PABPC4L: variants seen among roughly 807,000 people sequenced by gnomAD.
PABPC4L encodes poly(A) binding protein cytoplasmic 4 like.
For synonymous variants in PABPC4L, 169 were observed against 164.1 expected, an observed-to-expected ratio of 1.03 and a Z score of -0.23; for missense variants, 452 against 451.4, an observed-to-expected ratio of 1.00 and a Z score of -0.01.
downstream of PABPC4L, among the ~76,000 whole-genome samples, chr4:134,194,150 G>A (rs1729589163): frequency 6.6e-6 from 1 of 151,818 alleles, no homozygotes; most frequent in Non-Finnish European, 1.5e-5. Context: ...CCTGCCTTGG[G>A]GGTGGAGGAG....
At chr4:134,047,180 T>C in the PABPC4L span, among the ~76,000 whole-genome samples, 2 of 152,188 alleles carry the variant, frequency 1.3e-5, no homozygotes, top group Non-Finnish European at 2.9e-5. Flanking sequence ...AGTTAGCTTA[T>C]GCTTTAAATT....
chr4:133,954,411 C>A, the PABPC4L span, among the ~76,000 whole-genome samples: 1 of 152,222 alleles, frequency 6.6e-6, no homozygotes, highest in South Asian at 2.1e-4. Flanking sequence ...TAAAACTTGG[C>A]ACATTCTATC....
the PABPC4L span, among the ~76,000 whole-genome samples, chr4:134,151,656 A>G: frequency 6.6e-6 from 1 of 152,000 alleles, no homozygotes; most frequent in African/African-American, 2.4e-5. Flanking sequence ...TGTTTTGCCA[A>G]TTATTTATTT....
the PABPC4L span, among the ~76,000 whole-genome samples, chr4:134,136,382 T>G: frequency 6.6e-6 from 1 of 152,136 alleles, no homozygotes; most frequent in Non-Finnish European, 1.5e-5. Context: ...CTGACATTCC[T>G]TCTGTTAGTC....
At chr4:134,119,112 A>G in the PABPC4L span, among the ~76,000 whole-genome samples, 6 of 151,750 alleles carry the variant, frequency 4.0e-5, no homozygotes, top group Non-Finnish European at 7.4e-5. Flanking sequence ...GAAATTTGAT[A>G]TATCATGTTT....
At chr4:134,124,848 T>TGGGTAATAATGTCTTA in the PABPC4L span, among the ~76,000 whole-genome samples, 5 of 152,088 alleles carry the variant, frequency 3.3e-5, no homozygotes, top group African/African-American at 1.2e-4. Context: ...AGCAACACCA[T>TGGGTAATAATGTCTTA]GCCTCATGGG....
the PABPC4L span, among the ~76,000 whole-genome samples, chr4:134,079,870 A>T: frequency 6.6e-6 from 1 of 152,066 alleles, no homozygotes; most frequent in Non-Finnish European, 1.5e-5. Context: ...TATTTGTGTT[A>T]GCTATGACAG....
chr4:134,134,825 C>T, the PABPC4L span, among the ~76,000 whole-genome samples: 3 of 151,724 alleles, frequency 2.0e-5, no homozygotes, highest in South Asian at 2.1e-4. Context: ...TTTCTTGTGT[C>T]TTCAATTTCC....
the PABPC4L span, among the ~76,000 whole-genome samples, chr4:134,092,412 G>T: frequency 6.6e-6 from 1 of 151,874 alleles, no homozygotes; most frequent in East Asian, 1.9e-4. Flanking sequence ...CTATCCCACT[G>T]AGAGCCACCA....
At chr4:134,144,233 AAAAG>A in the PABPC4L span, among the ~76,000 whole-genome samples, 2 of 151,620 alleles carry the variant, frequency 1.3e-5, no homozygotes, top group Non-Finnish European at 3.0e-5. Context: ...ATACCTTTGC[AAAAG>A]AAAGAAAGAA....
chr4:134,092,521 G>A, the PABPC4L span, among the ~76,000 whole-genome samples: 1 of 151,836 alleles, frequency 6.6e-6, no homozygotes, highest in East Asian at 1.9e-4. Context: ...AAGAGGGTAG[G>A]GTATATATCA....
the PABPC4L span, among the ~76,000 whole-genome samples, chr4:134,024,827 G>A: frequency 1.2e-5 from 1 of 85,060 alleles, no homozygotes; most frequent in South Asian, 3.5e-4. Context: ...TTTTTTTTTT[G>A]GAGACAGAAT....
chr4:133,962,086 G>A, the PABPC4L span, among the ~76,000 whole-genome samples: 2 of 152,152 alleles, frequency 1.3e-5, no homozygotes, highest in African/African-American at 2.4e-5. Flanking sequence ...AAGGGAGAGA[G>A]TTCTACATCA....
the PABPC4L span, among the ~76,000 whole-genome samples, chr4:134,036,493 A>AAAAC: frequency 6.6e-6 from 1 of 152,100 alleles, no homozygotes; most frequent in Non-Finnish European, 1.5e-5. Context: ...TACTGTTGGG[A>AAAAC]AAACAACTTA....
At chr4:134,150,269 A>C in the PABPC4L span, among the ~76,000 whole-genome samples, 1 of 151,802 alleles carries the variant, frequency 6.6e-6, no homozygotes, top group Non-Finnish European at 1.5e-5. Context: ...TTTTTAGTAG[A>C]GACAGGGTTT....
chr4:134,078,967 C>CTTTTT, the PABPC4L span, among the ~76,000 whole-genome samples: 1 of 63,788 alleles, frequency 1.6e-5, no homozygotes, highest in Non-Finnish European at 2.9e-5. Context: ...CGTGCCCGGG[C>CTTTTT]TTTTTTTTTT....
the PABPC4L span, among the ~76,000 whole-genome samples, chr4:134,014,398 G>A: frequency 4.7e-4 from 72 of 152,070 alleles, no homozygotes; most frequent in Non-Finnish European, 8.5e-4. Context: ...CACCTAAACC[G>A]CAGTGGCCAG....
the PABPC4L span, among the ~76,000 whole-genome samples, chr4:134,052,678 T>C: frequency 6.6e-6 from 1 of 151,908 alleles, no homozygotes; most frequent in Non-Finnish European, 1.5e-5. Flanking sequence ...GGAAAGTCCA[T>C]ATAATTGTCA....
chr4:134,112,641 C>A, the PABPC4L span, among the ~76,000 whole-genome samples: 850 of 151,454 alleles, frequency 5.6e-3, 7 homozygotes, highest in African/African-American at 0.019. Context: ...TATCATCTAT[C>A]TATCTACATC....
Sources: gnomAD v4.1 joint callset for allele counts (sites outside exome capture counted in the v4.1 genomes callset) on GRCh38, gnomAD v4.1.1 for gene constraint, MANE v1.5 for transcripts, NCBI Gene and HGNC (gene_info 2026-07-23, HGNC 2026-07-21) for gene names.